PCDHGB4: variants seen among roughly 807,000 people sequenced by gnomAD.
PCDHGB4 encodes the protein protocadherin gamma subfamily B, 4.
A neutral mutation model predicts 60.5 loss-of-function variants in PCDHGB4; 38 were observed. The observed-to-expected ratio is 0.63, with a 90% confidence interval of 0.48 to 0.82. The LOEUF (loss-of-function observed/expected upper bound fraction) is 0.82. Among genes scored for constraint, PCDHGB4 ranks in the 40% least tolerant of loss-of-function variants. PCDHGB4 has a pLI of 0.00. For synonymous variants in PCDHGB4, 456 were observed against 509.7 expected (o/e 0.89, Z 1.42); for missense variants, 1,109 against 1,209.6 (o/e 0.92, Z 1.23).
chr5:141,444,722 C>T (rs72790051), intron 1 of PCDHGB4, among the ~76,000 whole-genome samples: 3,290 of 152,024 alleles, frequency 0.022, 51 homozygotes, highest in South Asian at 0.038. Flanking sequence ...TGCTTGGTGC[C>T]TTTGTTGAAA....
At chr5:141,417,859 G>T (rs925593025) in intron 1 of PCDHGB4, 10 of 1,548,090 alleles carry the variant, frequency 6.5e-6, no homozygotes, top group African/African-American at 2.7e-5. Context: ...CCGAGCGAAC[G>T]ATGGGAGGGA....
chr5:141,398,882 G>A, intron 1 of PCDHGB4: 1 of 1,613,930 alleles, frequency 6.2e-7, no homozygotes, highest in Non-Finnish European at 8.5e-7. Context: ...GTCAGCCTTC[G>A]GGAAAACGTG....
rs1001516677 is a variant in PCDHGB4 at position 141,399,747 on chromosome 5, A to G, written c.2397+9466A>G. On this transcript the variant is annotated intron_variant, in intron 1 of 3. Coordinates refer to ENST00000519479, the MANE Select transcript of PCDHGB4 (RefSeq NM_003736.4). The stretch of plus-strand genomic sequence containing the variant: ...ACCAGGGCTCGCCTGCGCTCAGCGC[A>G]AACGTGAGCCTGCGCGTGTTGGTGG... 3.7e-6 allele frequency: 6 copies of G among 1,613,228 alleles called. No homozygotes were observed. In the African/African-American group the frequency reaches 6.7e-5, roughly 18 times the overall value.
intron 1 of PCDHGB4, among the ~76,000 whole-genome samples, chr5:141,400,951 C>A (rs991607511): frequency 6.6e-6 from 1 of 152,174 alleles, no homozygotes; most frequent in Non-Finnish European, 1.5e-5. Flanking sequence ...ACTGATTTCA[C>A]TGGTAGTTTT....
Position 141,431,962 on chromosome 5 carries a change from C to G in PCDHGB4, c.2397+41681C>G. 1.2e-6 allele frequency: 2 copies of G among 1,614,190 alleles called. No homozygotes were observed. Among genetic ancestry groups the G allele is most frequent in the South Asian group, 2.2e-5 (2 of 91,086 alleles). ...AATTAGAAAAATCTTACGGAAATTACTATAGTTTAGTCACAGACATAGTCT... is the reference window on the plus strand; with the variant it reads ...AATTAGAAAAATCTTACGGAAATTAGTATAGTTTAGTCACAGACATAGTCT... On this transcript the variant is annotated intron_variant, in intron 1 of 3. Transcript: ENST00000519479. The surrounding 1 kb of genome is among the most constrained non-coding windows in gnomAD (Gnocchi z 4.8).
At chr5:141,401,368 A>G (rs2094146364) in intron 1 of PCDHGB4, among the ~76,000 whole-genome samples, 3 of 152,186 alleles carry the variant, frequency 2.0e-5, no homozygotes, top group Admixed American at 2.0e-4. Flanking sequence ...GAAGGAGAGG[A>G]AGAAGAAGAA....
In PCDHGB4 at chr5:141,476,966, G is replaced by C. The variant is rs780645226; in HGVS notation, c.2398-17841G>C. The C allele has an allele frequency of 1.2e-6, 2 of 1,614,152 alleles. No homozygotes were observed. Among genetic ancestry groups the C allele is most frequent in the Non-Finnish European group, 1.7e-6 (2 of 1,180,032 alleles). On this transcript the variant is annotated intron_variant, in intron 1 of 3. Coordinates refer to ENST00000519479, the MANE Select transcript of PCDHGB4 (RefSeq NM_003736.4). This position sits in a 1 kb window ranked among gnomAD's most constrained non-coding sequence, Gnocchi z 7.6. ...CAACGGTGAAATTATTTACTCCTTCGGCAGCCACAACCGCGCCGGCGTGCG... is the reference window on the plus strand; with the variant it reads ...CAACGGTGAAATTATTTACTCCTTCCGCAGCCACAACCGCGCCGGCGTGCG...
At chr5:141,398,575 A>G in intron 1 of PCDHGB4, 1 of 1,614,046 alleles carries the variant, frequency 6.2e-7, no homozygotes, top group South Asian at 1.1e-5. Flanking sequence ...ACAGCCTGGC[A>G]CAAGATTTAT....
chr5:141,466,147 G>A (rs2099117729), intron 1 of PCDHGB4, among the ~76,000 whole-genome samples: 1 of 151,722 alleles, frequency 6.6e-6, no homozygotes, highest in South Asian at 2.1e-4. Flanking sequence ...TGAAAACTCT[G>A]GTCTTAAACT....
intron 1 of PCDHGB4, chr5:141,409,586 G>C: frequency 6.2e-7 from 1 of 1,613,908 alleles, no homozygotes; most frequent in Non-Finnish European, 8.5e-7. Flanking sequence ...GGTCCACGTG[G>C]CCGAGAACAA....
chr5:141,388,450 G>GATGGCAA lies in PCDHGB4; in HGVS notation c.566_567insATGGCAA (p.Ser189ArgfsTer4). 6.2e-7 allele frequency: 1 copy of GATGGCAA among 1,613,844 alleles called. No homozygotes were observed. Among genetic ancestry groups the GATGGCAA allele is most frequent in the Non-Finnish European group, 8.5e-7 (1 of 1,179,856 alleles). On this transcript the variant is annotated frameshift_variant, in exon 1 of 4. Coordinates refer to ENST00000519479, the MANE Select transcript of PCDHGB4 (RefSeq NM_003736.4). LOFTEE classifies it high-confidence loss of function. ...ATAAATAAAGAGAAATCAGATGGCA[G>GATGGCAA]TAAATACCCTGAGATGGTATTGAAG...
chr5:141,392,511 A>T (rs1368500575), intron 1 of PCDHGB4: 1 of 240,352 alleles, frequency 4.2e-6, no homozygotes, highest in Non-Finnish European at 7.9e-6. Flanking sequence ...TTTTTTTCTC[A>T]GTAATCTAGT....
chr5:141,421,614 T>C (rs552534116), intron 1 of PCDHGB4: 3 of 1,613,810 alleles, frequency 1.9e-6, no homozygotes, highest in South Asian at 2.2e-5. Flanking sequence ...ATATTAATGA[T>C]AACGCCCCCA....
intron 1 of PCDHGB4, chr5:141,407,992 G>A (rs929571955): frequency 4.3e-5 from 37 of 851,508 alleles, no homozygotes; most frequent in Middle Eastern, 3.7e-4. Context: ...GTCAGCCTCT[G>A]GCCTGGGATT....
intron 1 of PCDHGB4, chr5:141,394,762 G>A: frequency 6.2e-7 from 1 of 1,613,396 alleles, no homozygotes; most frequent in Non-Finnish European, 8.5e-7. Flanking sequence ...CAGGACCATG[G>A]CCAGCCCCCT....
At chr5:141,419,775 G>C in intron 1 of PCDHGB4, 1 of 1,614,016 alleles carries the variant, frequency 6.2e-7, no homozygotes, top group Non-Finnish European at 8.5e-7. Flanking sequence ...GACTCGGTCC[G>C]CCAGCGCCTG....
intron 1 of PCDHGB4, among the ~76,000 whole-genome samples, chr5:141,433,664 C>G (rs1027404017): frequency 6.6e-6 from 1 of 151,966 alleles, no homozygotes; most frequent in South Asian, 2.1e-4. Flanking sequence ...GGAGAAACCC[C>G]GTCTATACTA....
At chr5:141,474,106 A>G (rs1334111464) in intron 1 of PCDHGB4, among the ~76,000 whole-genome samples, 1 of 152,108 alleles carries the variant, frequency 6.6e-6, no homozygotes, top group African/African-American at 2.4e-5. Flanking sequence ...CAACAAAAAC[A>G]ACAACAACGA....
At position 141,415,832 on chromosome 5, in the gene PCDHGB4, T is replaced by C. The variant is rs995620508; in HGVS notation, c.2397+25551T>C. On this transcript the variant is annotated intron_variant, in intron 1 of 3. Coordinates refer to ENST00000519479, the MANE Select transcript of PCDHGB4 (RefSeq NM_003736.4). ...GCCTATATATCATAAGGCTTTGTTA[T>C]GATTAGCTTTGCAGAACCTTGTAGT... 33 of 1,310,754 alleles carry C rather than the reference T, an allele frequency of 2.5e-5. No individual in the cohort carries two copies. The African/African-American group carries it at 4.7e-4, about 19-fold the overall frequency. 81.2% of individuals were successfully genotyped at this position (1,310,754 alleles called of 1,614,324 possible).
Sources: allele counts gnomAD v4.1 joint callset (sites outside exome capture counted in the v4.1 genomes callset), GRCh38; gene constraint gnomAD v4.1.1; non-coding constraint Gnocchi (gnomAD v3.1); transcripts MANE v1.5; gene names NCBI Gene and HGNC (gene_info 2026-07-23, HGNC 2026-07-21).